The following MYH9 variants were observed in gnomAD, a reference collection of about 807,000 sequenced individuals.
The protein encoded by MYH9 is myosin heavy chain 9.
Under a neutral mutation model 241.9 loss-of-function variants are expected in MYH9, and 29 were observed. The observed-to-expected ratio is 0.12, with a 90% confidence interval of 0.09 to 0.16. MYH9 has a LOEUF of 0.16. MYH9 is among the 10% of genes least tolerant of loss of function. The probability of loss-of-function intolerance (pLI) is 1.00; values close to 1 mark genes in which losing one functional copy is unlikely to be tolerated. For missense variants in MYH9, 1,803 were observed against 2,595.5 expected, an observed-to-expected ratio of 0.69 and a Z score of 6.63; for synonymous variants, 1,047 against 1,062.6, an observed-to-expected ratio of 0.99 and a Z score of 0.29.
chr22:36,333,157 T>TG (rs760071831), intron 3 of MYH9, among the ~76,000 whole-genome samples: 14 of 152,340 alleles, frequency 9.2e-5, no homozygotes, highest in Non-Finnish European at 1.5e-4. Context: ...CTCAGCTCCC[T>TG]GTTGGAGCAC....
chr22:36,380,858 C>A lies in MYH9; in HGVS notation c.-20+6949G>T, dbSNP rs145763840. Among the ~76,000 whole-genome samples, 753 of 152,252 alleles carry A rather than the reference C, an allele frequency of 4.9e-3. 8 individuals carry two copies. Among genetic ancestry groups the A allele is most frequent in the African/African-American group, 0.015 (617 of 41,556 alleles). ...GGACAGCTTATGATTTGGAGCCAAGCGAATTATGGAAACCTTGCAAGAGGG... is the reference window on the plus strand; with the variant it reads ...GGACAGCTTATGATTTGGAGCCAAGAGAATTATGGAAACCTTGCAAGAGGG... On this transcript the variant is annotated intron_variant, in intron 1 of 40. Transcript: ENST00000216181.
rs1262950894 is a variant in MYH9 at position 36,282,003 on chromosome 22, C to T, written c.*665G>A. 4.3e-6 allele frequency: 1 copy of T among 233,678 alleles called. No individual in the cohort carries two copies. Among genetic ancestry groups the T allele is most frequent in the Non-Finnish European group, 8.5e-6 (1 of 118,202 alleles). 14.5% of individuals were successfully genotyped at this position (233,678 alleles called of 1,614,324 possible). A position where few individuals can be genotyped will look rare whatever the true frequency, so the allele number is the denominator to read the frequency against. ...AGGGGAGGGGGCATTGCACTTGAGA[C>T]ATTTTAGAATCAGGAGGGAGACAGC... On this transcript the variant is annotated 3_prime_UTR_variant, in exon 41 of 41. Transcript: ENST00000216181.
At position 36,354,593 on chromosome 22, in the gene MYH9, G is replaced by A. The variant is rs138669278; in HGVS notation, c.-19-5338C>T. On this transcript the variant is annotated intron_variant, in intron 1 of 40. Coordinates refer to ENST00000216181, the MANE Select transcript of MYH9 (RefSeq NM_002473.6). ...CGAGTAGCTGGGATTACAGGCATCC[G>A]CCACCACGCCCAGCTAATTTTTGTA... Among the ~76,000 whole-genome samples, 199 of 151,528 alleles carry A rather than the reference G, an allele frequency of 1.3e-3. 1 individual carries two copies. Among genetic ancestry groups the A allele is most frequent in the East Asian group, 7.6e-3 (39 of 5,132 alleles).
chr22:36,317,715 A>G (rs1178721948), intron 11 of MYH9, among the ~76,000 whole-genome samples: 2 of 152,262 alleles, frequency 1.3e-5, no homozygotes, highest in Non-Finnish European at 2.9e-5. Context: ...CTCCAGGGGC[A>G]GGCAGGCACA....
Position 36,299,022 on chromosome 22 carries a change from G to A in MYH9, c.2997C>T (p.Asp999=). The change falls in exon 24 of 41, where the codon GAC becomes GAT. Residue 999 remains aspartate (D), a synonymous_variant. Coordinates refer to ENST00000216181, the MANE Select transcript of MYH9 (RefSeq NM_002473.6). ...KLAKEKKLLE[D]RIAEFTTNLT... The stretch of plus-strand genomic sequence containing the variant: ...GGTTGGTGGTGAACTCAGCTATTCT[G>A]TCTTCCAGCAGTTTCTTTTCCTGGG... The A allele has an allele frequency of 6.2e-7, 1 of 1,614,098 alleles. No homozygotes were observed. The highest frequency in any genetic ancestry group is 8.5e-7 in the Non-Finnish European group (1 of 1,179,998).
At chr22:36,299,140 G>A in intron 23 of MYH9, 98 bp from the exon 24 acceptor site, 2 of 1,507,372 alleles carry the variant, frequency 1.3e-6, no homozygotes, top group Non-Finnish European at 1.8e-6. Context: ...GGGCTGAATG[G>A]AGAGGGCTTT....
At chr22:36,322,176 C>G (rs569857438) in intron 6 of MYH9, among the ~76,000 whole-genome samples, 2 of 152,246 alleles carry the variant, frequency 1.3e-5, no homozygotes, top group African/African-American at 2.4e-5. Context: ...CAGCAGGCAG[C>G]GCCCTCACTG....
At chr22:36,303,831 C>T (rs190950431) in intron 19 of MYH9, among the ~76,000 whole-genome samples, 164 bp downstream of exon 19, 14 of 150,804 alleles carry the variant, frequency 9.3e-5, no homozygotes, top group Admixed American at 9.2e-4. Flanking sequence ...CCCGATTCTA[C>T]TCCTCAAAGG....
At position 36,355,015 on chromosome 22, in the gene MYH9, C is replaced by T. The variant is rs369581369; in HGVS notation, c.-19-5760G>A. Among the ~76,000 whole-genome samples the T allele has an allele frequency of 5.0e-5, 5 of 99,638 alleles. No individual in the cohort carries two copies. In the South Asian group the frequency reaches 1.2e-3, roughly 23 times the overall value. The allele number at this position is 99,638 out of a possible 152,430, so 65.4% of individuals were successfully genotyped here. ...CACACACACACAGAGGAAAGATCTC[C>T]GTGGCTCAGAAAGTCCCGAGCTCCT... On this transcript the variant is annotated intron_variant, in intron 1 of 40. Transcript: ENST00000216181.
rs2016507539 is a variant in MYH9 at position 36,282,497 on chromosome 22, A to T, written c.*171T>A. ...AAGGGGATGCAGCAGAGGAAGCCAAATGCCCTCAACAACACCTGGAGGGAA... is the reference window on the plus strand; with the variant it reads ...AAGGGGATGCAGCAGAGGAAGCCAATTGCCCTCAACAACACCTGGAGGGAA... On this transcript the variant is annotated 3_prime_UTR_variant, in exon 41 of 41. Coordinates refer to ENST00000216181, the MANE Select transcript of MYH9 (RefSeq NM_002473.6). 12 of 758,284 alleles carry T rather than the reference A, an allele frequency of 1.6e-5. No individual in the cohort carries two copies. Among genetic ancestry groups the T allele is most frequent in the South Asian group, 8.5e-5 (6 of 70,892 alleles). The allele number at this position is 758,284 out of a possible 1,614,324, so 47.0% of individuals were successfully genotyped here. A position where few individuals can be genotyped will look rare whatever the true frequency, so the allele number is the denominator to read the frequency against.
intron 3 of MYH9, among the ~76,000 whole-genome samples, chr22:36,338,489 A>G (rs967139814): frequency 2.6e-5 from 4 of 152,142 alleles, no homozygotes; most frequent in Non-Finnish European, 5.9e-5. Context: ...TCCCGTGCTC[A>G]CAAATGTATT....
At chr22:36,297,085 A>T in intron 24 of MYH9, 71 bp from the exon 25 acceptor site, 1 of 1,541,334 alleles carries the variant, frequency 6.5e-7, no homozygotes, top group Non-Finnish European at 8.9e-7. Context: ...TACTTATACA[A>T]AATACTGAGC....
At position 36,288,191 on chromosome 22, in the gene MYH9, T is replaced by C; in HGVS notation, c.4932+61A>G. 1.2e-6 allele frequency: 2 copies of C among 1,601,046 alleles called. No homozygotes were observed. Among genetic ancestry groups the C allele is most frequent in the South Asian group, 2.2e-5 (2 of 90,754 alleles). On this transcript the variant is annotated intron_variant, in intron 34 of 40. Transcript: ENST00000216181. The surrounding 1 kb of genome is among the most constrained non-coding windows in gnomAD (Gnocchi z 4.8). ...CGCCCTGGGCCGAGCCCTGGCACCT[T>C]CATATGTAGTTGGCTCAGTCGGGTG...
Position 36,349,248 on chromosome 22 carries a change from G to A in MYH9, c.-12C>T. 6.2e-7 allele frequency: 1 copy of A among 1,613,480 alleles called. No homozygotes were observed. Among genetic ancestry groups the A allele is most frequent in the Non-Finnish European group, 8.5e-7 (1 of 1,179,572 alleles). ...GCTTGCTGTGCCATGGTGACTTATA[G>A]CCAGGACCTAAGCGGGGAGGAGAAG... is the stretch of plus-strand genomic sequence containing the variant. On this transcript the variant is annotated 5_prime_UTR_variant, in exon 2 of 41. Coordinates refer to ENST00000216181, the MANE Select transcript of MYH9 (RefSeq NM_002473.6).
At chr22:36,352,939 A>G (rs1399214855) in intron 1 of MYH9, among the ~76,000 whole-genome samples, 1 of 152,120 alleles carries the variant, frequency 6.6e-6, no homozygotes, top group African/African-American at 2.4e-5. Context: ...AGATCAATAC[A>G]CGGGTTAGAC....
intron 3 of MYH9, among the ~76,000 whole-genome samples, chr22:36,340,206 T>TAAAAG (rs1569536438): frequency 6.7e-6 from 1 of 150,302 alleles, no homozygotes; most frequent in African/African-American, 2.4e-5. Context: ...GCCATTACTT[T>TAAAAG]TAATGGCAAA....
intron 24 of MYH9, among the ~76,000 whole-genome samples, chr22:36,297,876 C>T (rs59922723): frequency 0.041 from 6,183 of 152,316 alleles, 139 homozygotes; most frequent in South Asian, 0.06. Context: ...CGTTCTCTAA[C>T]GCCGTCTACC....
intron 5 of MYH9, among the ~76,000 whole-genome samples, chr22:36,323,997 G>A (rs983214995): frequency 3.9e-5 from 6 of 152,248 alleles, no homozygotes; most frequent in Admixed American, 2.0e-4. Flanking sequence ...AGACTTGGAT[G>A]AGAATGGCTC....
intron 1 of MYH9, among the ~76,000 whole-genome samples, chr22:36,369,455 C>G (rs2018059515): frequency 6.6e-6 from 1 of 152,224 alleles, no homozygotes; most frequent in Admixed American, 6.5e-5. Context: ...GGGCTGAGAA[C>G]AGCATGCTGG....
Sources: allele counts gnomAD v4.1 joint callset (sites outside exome capture counted in the v4.1 genomes callset), GRCh38; gene constraint gnomAD v4.1.1; non-coding constraint Gnocchi (gnomAD v3.1); transcripts MANE v1.5; gene names NCBI Gene and HGNC (gene_info 2026-07-23, HGNC 2026-07-21).